The following MRPS6 variants were observed in gnomAD, a reference collection of about 807,000 sequenced individuals.
MRPS6 encodes small ribosomal subunit protein bS6m.
MRPS6 carries 6 observed loss-of-function variants against 13.1 expected under a neutral mutation model. The observed-to-expected ratio is 0.46, with a 90% CI of 0.25 to 0.91. The LOEUF (loss-of-function observed/expected upper bound fraction) is 0.91, where lower values mean the gene tolerates loss of function less well. Among genes scored for constraint, MRPS6 ranks in the 40% least tolerant of loss-of-function variants. The pLI is 0.18. For missense variants in MRPS6, 164 were observed against 155.6 expected (o/e 1.05, Z -0.29); for synonymous variants, 61 against 56.5 (o/e 1.08, Z -0.36).
In MRPS6 at chr21:34,104,024, G is replaced by GC. The variant is rs1365701070; in HGVS notation, c.46-21310dup. The GC allele has an allele frequency of 1.2e-5, 12 of 999,616 alleles. No homozygotes were observed. The East Asian group carries it at 4.5e-4, about 38-fold the overall frequency. 61.9% of individuals were successfully genotyped at this position (999,616 alleles called of 1,614,324 possible). On this transcript the variant is annotated intron_variant, in intron 1 of 2. Transcript: ENST00000399312. ...TTAGGAAATATTACCTCTTAACAGT[G>GC]CCCCCCCAAACATGCAGAAAGTCAT...
chr21:34,129,771 C>T (rs1463165251), intron 2 of MRPS6, among the ~76,000 whole-genome samples: 1 of 152,106 alleles, frequency 6.6e-6, no homozygotes, highest in African/African-American at 2.4e-5. Flanking sequence ...GTTCTGACCC[C>T]GTTCTCGTGT....
intron 2 of MRPS6, among the ~76,000 whole-genome samples, 175 bp downstream of exon 2, chr21:34,125,655 C>G (rs1185160344): frequency 6.6e-6 from 1 of 152,066 alleles, no homozygotes; most frequent in Non-Finnish European, 1.5e-5. Context: ...ATATGCTGGC[C>G]CTTCGTGGAC....
At chr21:34,128,447 T>G (rs1327757320) in intron 2 of MRPS6, among the ~76,000 whole-genome samples, 1 of 152,158 alleles carries the variant, frequency 6.6e-6, no homozygotes, top group Non-Finnish European at 1.5e-5. Context: ...CCTGTTGCTT[T>G]AGGGTTATCT....
intron 1 of MRPS6, among the ~76,000 whole-genome samples, chr21:34,111,194 G>C (rs1979685099): frequency 6.6e-6 from 1 of 152,084 alleles, no homozygotes; most frequent in South Asian, 2.1e-4. Flanking sequence ...ATTGATTTGG[G>C]GGCTACAAAT....
chr21:34,102,438 A>G, intron 1 of MRPS6: 1 of 1,000,004 alleles, frequency 1.0e-6, no homozygotes, highest in Non-Finnish European at 1.2e-6. Flanking sequence ...GTTTTGGGGT[A>G]AGCACCTAAT....
intron 1 of MRPS6, among the ~76,000 whole-genome samples, chr21:34,076,564 G>T (rs992818681): frequency 6.6e-6 from 1 of 152,290 alleles, no homozygotes; most frequent in Admixed American, 6.5e-5. Flanking sequence ...GGGCATTTAG[G>T]AATGTAGTTA....
chr21:34,094,050 C>G (rs754303291), intron 1 of MRPS6, among the ~76,000 whole-genome samples: 26 of 152,174 alleles, frequency 1.7e-4, no homozygotes, highest in Admixed American at 9.2e-4. Context: ...CCGTTATCCT[C>G]TCAGAGGTTG....
chr21:34,091,540 A>T (rs905714442), intron 1 of MRPS6, among the ~76,000 whole-genome samples: 2 of 152,114 alleles, frequency 1.3e-5, no homozygotes, highest in African/African-American at 4.8e-5. Flanking sequence ...TGCTTATTTA[A>T]ATTTGGTCTT....
chr21:34,130,347 G>A (rs2123262954), intron 2 of MRPS6, among the ~76,000 whole-genome samples: 1 of 152,326 alleles, frequency 6.6e-6, no homozygotes, highest in Non-Finnish European at 1.5e-5. Context: ...TGGACAACTA[G>A]GGGAGTCGGG....
chr21:34,100,964 C>T (rs1404509672), intron 1 of MRPS6: 1 of 999,970 alleles, frequency 1.0e-6, no homozygotes, highest in African/African-American at 1.7e-5. Flanking sequence ...GATGATTCTC[C>T]TGGCTCATTT....
chr21:34,131,218 T>A (rs1435180610), intron 2 of MRPS6, among the ~76,000 whole-genome samples: 1 of 152,218 alleles, frequency 6.6e-6, no homozygotes, highest in Admixed American at 6.5e-5. Context: ...TGTAGTCAAA[T>A]CCAGACGTTT....
rs1020406374 is a variant in MRPS6, at chr21:34,104,501, A to G, written c.46-20840A>G. 20 of 995,616 alleles carry G rather than the reference A, an allele frequency of 2.0e-5. No individual in the cohort carries two copies. The African/African-American group carries it at 3.3e-4, about 16-fold the overall frequency. 61.7% of individuals were successfully genotyped at this position (995,616 alleles called of 1,614,324 possible). A position where few individuals can be genotyped will look rare whatever the true frequency, so the allele number is the denominator to read the frequency against. The stretch of plus-strand genomic sequence containing the variant: ...ACTACCTTTGTTCCTACTCTTTTAT[A>G]TAATTATCCTTTTAGGGAAAGACTT... On this transcript the variant is annotated intron_variant, in intron 1 of 2. Coordinates refer to ENST00000399312, the MANE Select transcript of MRPS6 (RefSeq NM_032476.4).
At chr21:34,097,077 C>G in intron 1 of MRPS6, 1 of 1,614,040 alleles carries the variant, frequency 6.2e-7, no homozygotes, top group South Asian at 1.1e-5. Flanking sequence ...GGCAGAAACA[C>G]CAGTTGACGC....
chr21:34,081,013 A>G (rs1419292000), intron 1 of MRPS6, among the ~76,000 whole-genome samples: 1 of 152,212 alleles, frequency 6.6e-6, no homozygotes, highest in Non-Finnish European at 1.5e-5. Context: ...AAATGAGTGC[A>G]AACCTTTGTT....
intron 1 of MRPS6, chr21:34,106,368 T>G (rs963149060): frequency 3.2e-5 from 6 of 185,846 alleles, no homozygotes; most frequent in Non-Finnish European, 6.8e-5. Context: ...CCTTGGCCCA[T>G]GAATGGTTTC....
chr21:34,089,392 A>G (rs1294295279), intron 1 of MRPS6, among the ~76,000 whole-genome samples: 1 of 151,750 alleles, frequency 6.6e-6, no homozygotes, highest in Non-Finnish European at 1.5e-5. Flanking sequence ...ATCTAGTATC[A>G]TTCACATAAA....
At chr21:34,118,386 A>G (rs1354830387) in intron 1 of MRPS6, among the ~76,000 whole-genome samples, 6 of 152,050 alleles carry the variant, frequency 3.9e-5, no homozygotes, top group East Asian at 1.9e-4. Context: ...TTTTTCCAAT[A>G]TATTTATTGA....
At chr21:34,102,586 G>GAATTTTGA in intron 1 of MRPS6, 1 of 1,000,058 alleles carries the variant, frequency 1.0e-6, no homozygotes, top group Non-Finnish European at 1.2e-6. Context: ...ATAGTCTGAG[G>GAATTTTGA]CTATTGACTT....
At chr21:34,099,650 G>T in intron 1 of MRPS6, 1 of 997,922 alleles carries the variant, frequency 1.0e-6, no homozygotes, top group Non-Finnish European at 1.2e-6. Context: ...GTAGTTTGGA[G>T]AATTAGGGTC....
Sources: gnomAD v4.1 joint callset for allele counts (sites outside exome capture counted in the v4.1 genomes callset) on GRCh38, gnomAD v4.1.1 for gene constraint, MANE v1.5 for transcripts, NCBI Gene and HGNC (gene_info 2026-07-23, HGNC 2026-07-21) for gene names.